MACROD2: variants seen among roughly 807,000 people sequenced by gnomAD.
MACROD2 encodes the protein mono-ADP ribosylhydrolase 2, also known as ADP-ribose glycohydrolase MACROD2.
MACROD2 carries 36 observed loss-of-function variants against 70.4 expected under a neutral mutation model. The observed-to-expected ratio is 0.51, with a 90% CI of 0.39 to 0.68. MACROD2 has a LOEUF of 0.68. Among genes scored for constraint, MACROD2 ranks in the 30% least tolerant of loss-of-function variants. The pLI is 0.00. For missense variants in MACROD2, 496 were observed against 538.4 expected (o/e 0.92, Z 0.78); for synonymous variants, 172 against 178.8 (o/e 0.96, Z 0.30).
At chr20:14,738,123 T>A (rs1324386429) in intron 5 of MACROD2, among the ~76,000 whole-genome samples, 1 of 151,830 alleles carries the variant, frequency 6.6e-6, no homozygotes, top group Non-Finnish European at 1.5e-5. Context: ...AGATAGAAAT[T>A]TGAGAATGAA....
At chr20:14,515,954 ATATAT>A (rs1171414199) in intron 4 of MACROD2, among the ~76,000 whole-genome samples, 1 of 148,002 alleles carries the variant, frequency 6.8e-6, no homozygotes, top group Non-Finnish European at 1.5e-5. Flanking sequence ...ATTGTACATT[ATATAT>A]TATATAATAT....
At chr20:15,576,533 T>C (rs7272772) in intron 8 of MACROD2, among the ~76,000 whole-genome samples, 7,440 of 148,802 alleles carry the variant, frequency 0.05, 415 homozygotes, top group African/African-American at 0.13. Context: ...ACTGACTAAC[T>C]TTGTTTTCTG....
At chr20:15,793,837 T>G (rs2063647734) in intron 8 of MACROD2, among the ~76,000 whole-genome samples, 1 of 147,400 alleles carries the variant, frequency 6.8e-6, no homozygotes, top group Non-Finnish European at 1.5e-5. Flanking sequence ...ATCTATATTA[T>G]ATAAATAAAT....
At chr20:15,785,039 C>T (rs1197444690) in intron 8 of MACROD2, among the ~76,000 whole-genome samples, 1 of 151,414 alleles carries the variant, frequency 6.6e-6, no homozygotes, top group African/African-American at 2.4e-5. Context: ...GTAGTCCCAG[C>T]TACTCGGGAG....
chr20:14,446,227 A>T (rs550251525), intron 3 of MACROD2, among the ~76,000 whole-genome samples: 8 of 152,110 alleles, frequency 5.3e-5, no homozygotes, highest in Non-Finnish European at 1.0e-4. Flanking sequence ...TGGAATCATA[A>T]TAGTAATAGT....
chr20:14,987,274 T>C (rs1451383605), intron 5 of MACROD2, among the ~76,000 whole-genome samples: 1 of 152,158 alleles, frequency 6.6e-6, no homozygotes, highest in Non-Finnish European at 1.5e-5. Flanking sequence ...ATTTCTGGAA[T>C]GGTATGATAG....
intron 6 of MACROD2, among the ~76,000 whole-genome samples, chr20:15,282,093 G>A (rs2077450811): frequency 6.6e-6 from 1 of 152,178 alleles, no homozygotes; most frequent in South Asian, 2.1e-4. Flanking sequence ...GCCATGGCTG[G>A]GACTCAAGGC....
chr20:15,348,863 G>A (rs1304065769), intron 6 of MACROD2, among the ~76,000 whole-genome samples: 1 of 152,060 alleles, frequency 6.6e-6, no homozygotes, highest in Non-Finnish European at 1.5e-5. Context: ...TAAGATTTGG[G>A]CGGGGTCACA....
chr20:16,035,642 TGTTA>T (rs1270340020), intron 15 of MACROD2, among the ~76,000 whole-genome samples: 2 of 152,028 alleles, frequency 1.3e-5, no homozygotes, highest in Admixed American at 6.6e-5. Context: ...TTATTATGTG[TGTTA>T]GTTAGCTATC....
chr20:15,829,499 T>G (rs2064031893), intron 8 of MACROD2, among the ~76,000 whole-genome samples: 1 of 152,150 alleles, frequency 6.6e-6, no homozygotes, highest in African/African-American at 2.4e-5. Context: ...AACTGTGATC[T>G]CCTGGTCCCA....
In MACROD2 at chr20:14,770,642, C is replaced by T. The variant is rs192703346; in HGVS notation, c.418+85683C>T. Among the ~76,000 whole-genome samples the T allele has an allele frequency of 8.5e-5, 13 of 152,078 alleles. 1 individual carries two copies. The highest frequency in any genetic ancestry group is 8.3e-4 in the South Asian group (4 of 4,812). Reference sequence around the variant, plus strand: ...CACAAAATAATAGTTAAATGCATTGCGTGCTGACTAGATCTGACTAGATTC... The same window carrying T: ...CACAAAATAATAGTTAAATGCATTGTGTGCTGACTAGATCTGACTAGATTC... On this transcript the variant is annotated intron_variant, in intron 5 of 17. Coordinates refer to ENST00000684519, the MANE Select transcript of MACROD2 (RefSeq NM_001351661.2).
At chr20:14,260,671 T>C (rs2082094234) in intron 3 of MACROD2, among the ~76,000 whole-genome samples, 1 of 152,214 alleles carries the variant, frequency 6.6e-6, no homozygotes, top group Admixed American at 6.6e-5. Context: ...ACTGCCTGAG[T>C]TTAAATCATA....
chr20:14,942,385 T>A (rs1312446951), intron 5 of MACROD2, among the ~76,000 whole-genome samples: 4 of 152,004 alleles, frequency 2.6e-5, no homozygotes, highest in African/African-American at 9.7e-5. Flanking sequence ...TCCTCCTTTT[T>A]TTTTCTCCTT....
chr20:14,735,823 TG>T (rs1400703680), intron 5 of MACROD2, among the ~76,000 whole-genome samples: 1 of 152,146 alleles, frequency 6.6e-6, no homozygotes, highest in Non-Finnish European at 1.5e-5. Context: ...CACTCCAGCT[TG>T]GTTGACAGAG....
chr20:15,933,845 G>C (rs900085664), intron 11 of MACROD2, among the ~76,000 whole-genome samples: 2 of 152,280 alleles, frequency 1.3e-5, no homozygotes, highest in African/African-American at 2.4e-5. Context: ...CCCACACACA[G>C]AGCTCGAAGT....
At chr20:14,039,232 A>G (rs1435794569) in intron 2 of MACROD2, among the ~76,000 whole-genome samples, 1 of 152,180 alleles carries the variant, frequency 6.6e-6, no homozygotes, top group African/African-American at 2.4e-5. Flanking sequence ...ATGGTTGACC[A>G]TCCTAGAGAC....
At chr20:14,041,160 T>C (rs1403218686) in intron 2 of MACROD2, among the ~76,000 whole-genome samples, 1 of 152,216 alleles carries the variant, frequency 6.6e-6, no homozygotes, top group African/African-American at 2.4e-5. Context: ...ATAATGTAGC[T>C]AATTACTTTT....
chr20:15,837,163 G>A (rs2064123427), intron 8 of MACROD2, among the ~76,000 whole-genome samples: 1 of 152,116 alleles, frequency 6.6e-6, no homozygotes, highest in Non-Finnish European at 1.5e-5. Flanking sequence ...AGATATTAAA[G>A]GAAGCCCCCT....
intron 3 of MACROD2, among the ~76,000 whole-genome samples, chr20:14,111,867 A>G (rs2054455617): frequency 6.6e-6 from 1 of 152,010 alleles, no homozygotes; most frequent in Admixed American, 6.6e-5. Flanking sequence ...TATAACTGAA[A>G]GAAAGGAAAT....
Sources: gnomAD v4.1 joint callset for allele counts (sites outside exome capture counted in the v4.1 genomes callset) on GRCh38, gnomAD v4.1.1 for gene constraint, MANE v1.5 for transcripts, NCBI Gene and HGNC (gene_info 2026-07-23, HGNC 2026-07-21) for gene names.